CATSPERE: variants seen among roughly 807,000 people sequenced by gnomAD.
CATSPERE encodes the protein cation channel sperm-associated auxiliary subunit epsilon.
CATSPERE carries 93 observed loss-of-function variants against 114.1 expected under a neutral mutation model. The ratio of observed to expected loss-of-function variants is 0.81; its 90% CI spans 0.69 to 0.97. The LOEUF (loss-of-function observed/expected upper bound fraction) is 0.97, where lower values mean the gene tolerates loss of function less well. Among genes scored for constraint, CATSPERE ranks in the 50% least tolerant of loss-of-function variants. The pLI, the probability that CATSPERE is intolerant of heterozygous loss-of-function variation, is 0.00. For missense variants in CATSPERE, 1,058 were observed against 1,131.6 expected (o/e 0.93, Z 0.93); for synonymous variants, 341 against 384.1 (o/e 0.89, Z 1.31).
chr1:244,578,679 G>A (rs943060192), intron 11 of CATSPERE, among the ~76,000 whole-genome samples: 11 of 145,160 alleles, frequency 7.6e-5, no homozygotes, highest in African/African-American at 2.8e-4. Flanking sequence ...CTCTCTCTCT[G>A]TCTCTCTCTC....
At chr1:244,621,181 T>TA (rs1672214494) in intron 20 of CATSPERE, among the ~76,000 whole-genome samples, 1 of 44,752 alleles carries the variant, frequency 2.2e-5, no homozygotes, top group Non-Finnish European at 3.7e-5. Context: ...ATAGATATAT[T>TA]TATATAGATA....
Position 244,633,628 on chromosome 1 carries a change from GCACA to G in CATSPERE, c.2649-1849_2649-1846del, listed in dbSNP as rs149777341. Reference sequence around the variant, plus strand: ...CATGTGCAGGCATGAGCACACGCATGCACACACACACACACGCACACAAAACCCC... The same window carrying G: ...CATGTGCAGGCATGAGCACACGCATGCACACACACACGCACACAAAACCCC... On this transcript the variant is annotated intron_variant, in intron 20 of 21. Transcript: ENST00000366534. This position sits in a 1 kb window ranked among gnomAD's most constrained non-coding sequence, Gnocchi z 4.1. Among the ~76,000 whole-genome samples the G allele has an allele frequency of 2.0e-5, 3 of 150,386 alleles. No homozygotes were observed. The highest frequency in any genetic ancestry group is 4.9e-5 in the African/African-American group (2 of 41,076).
chr1:244,490,432 T>C lies in CATSPERE; in HGVS notation c.327-15T>C, dbSNP rs761303009. On this transcript the variant is annotated splice_polypyrimidine_tract_variant and intron_variant, in intron 5 of 21. Coordinates refer to ENST00000366534, the MANE Select transcript of CATSPERE (RefSeq NM_001130957.2). ...AGGCTGTTTACTAAAATATGTTTCCTCTTTTTCCAAGCAGACATTTCTTTA... is the reference window on the plus strand; with the variant it reads ...AGGCTGTTTACTAAAATATGTTTCCCCTTTTTCCAAGCAGACATTTCTTTA... The C allele has an allele frequency of 2.0e-6, 3 of 1,535,908 alleles. No homozygotes were observed. The highest frequency in any genetic ancestry group is 1.4e-5 in the African/African-American group (1 of 72,802).
upstream of CATSPERE, chr1:244,457,500 AAAG>A (rs1466245179): frequency 6.6e-6 from 1 of 152,204 alleles, no homozygotes; most frequent in Non-Finnish European, 1.5e-5. Context: ...CAGGGGAAAA[AAAG>A]GAGGAGAGAG....
chr1:244,584,050 A>G (rs759882214), intron 13 of CATSPERE, 111 bp downstream of exon 13: 2 of 729,780 alleles, frequency 2.7e-6, no homozygotes, highest in Non-Finnish European at 4.7e-6. Context: ...ATACCTCCAT[A>G]CAATACCTCC....
chr1:244,502,715 G>C (rs1413226377), intron 7 of CATSPERE, among the ~76,000 whole-genome samples: 3 of 152,188 alleles, frequency 2.0e-5, no homozygotes, highest in African/African-American at 7.2e-5. Flanking sequence ...GGAAATAAGA[G>C]TGGAGGACCA....
rs1670938281 is a variant in CATSPERE at position 244,485,917 on chromosome 1, A to G, written c.327-4530A>G. Among the ~76,000 whole-genome samples the G allele has an allele frequency of 3.3e-5, 5 of 151,796 alleles. No homozygotes were observed. In the South Asian group the frequency reaches 1.0e-3, roughly 32 times the overall value. On this transcript the variant is annotated intron_variant, in intron 5 of 21. Coordinates refer to ENST00000366534, the MANE Select transcript of CATSPERE (RefSeq NM_001130957.2). ...CACTTTGTTGCCCAAGGTAGTCTCA[A>G]GCTGTTGGCCTCAAGCAATCCTCCT...
rs561263941 is a variant in CATSPERE at position 244,572,182 on chromosome 1, T to C, written c.1508-148T>C. ...AGTTCCCCAATATAGTGTAAAGTTA[T>C]GGGTTCATATCTGCACATTCTAACT... On this transcript the variant is annotated intron_variant, in intron 10 of 21. Transcript: ENST00000366534. The C allele has an allele frequency of 2.5e-5, 15 of 606,892 alleles. No individual in the cohort carries two copies. In the South Asian group the frequency reaches 3.0e-4, roughly 12 times the overall value. 37.6% of individuals were successfully genotyped at this position (606,892 alleles called of 1,614,324 possible).
chr1:244,583,930 A>G lies in CATSPERE; in HGVS notation c.2076A>G (p.Ile692Met). 2 of 1,614,104 alleles carry G rather than the reference A, an allele frequency of 1.2e-6. No individual in the cohort carries two copies. Among genetic ancestry groups the G allele is most frequent in the Non-Finnish European group, 1.7e-6 (2 of 1,179,964 alleles). ...GTGAATATTCAAAAGCATGTCCAAT[A>G]GCCCAAAAGGTAAGCGACATGGGCT... ...RPSEYSKACP[I>M]AQKVFQIAVG... The change falls in exon 13 of 22, where the codon ATA (isoleucine) becomes ATG (methionine). Residue 692 changes from isoleucine to methionine, a missense_variant. By Grantham distance (10) the Ile-to-Met change is conservative. Coordinates refer to ENST00000366534, the MANE Select transcript of CATSPERE (RefSeq NM_001130957.2).
chr1:244,490,468 C>A lies in CATSPERE; in HGVS notation c.348C>A (p.Thr116=). 3 of 1,523,190 alleles carry A rather than the reference C, an allele frequency of 2.0e-6. No individual in the cohort carries two copies. Among genetic ancestry groups the A allele is most frequent in the African/African-American group, 1.4e-5 (1 of 72,656 alleles). The allele number at this position is 1,523,190 out of a possible 1,614,324, so 94.4% of individuals were successfully genotyped here. Residue 116 remains threonine, a synonymous_variant, in exon 6 of 22, where the codon ACC becomes ACA. Coordinates refer to ENST00000366534, the MANE Select transcript of CATSPERE (RefSeq NM_001130957.2). ...YRVRHFFNNF[T]QLITVWAYDP... ...GCAGACATTTCTTTAACAACTTTACCCAGGTAAAATATTTTTTAAATTTTG... is the reference window on the plus strand; with the variant it reads ...GCAGACATTTCTTTAACAACTTTACACAGGTAAAATATTTTTTAAATTTTG...
intron 8 of CATSPERE, among the ~76,000 whole-genome samples, chr1:244,536,659 C>G (rs1013383888): frequency 6.6e-6 from 1 of 152,130 alleles, no homozygotes; most frequent in African/African-American, 2.4e-5. Context: ...GTTGGCAACT[C>G]AAGACTGTCT....
chr1:244,460,816 A>G (rs1168792719), upstream of CATSPERE, among the ~76,000 whole-genome samples: 1 of 152,252 alleles, frequency 6.6e-6, no homozygotes, highest in East Asian at 1.9e-4. Flanking sequence ...CTGGAGGCTG[A>G]AGCAGGAGAA....
chr1:244,582,199 T>C (rs1452929003), intron 12 of CATSPERE, among the ~76,000 whole-genome samples: 1 of 152,164 alleles, frequency 6.6e-6, no homozygotes, highest in African/African-American at 2.4e-5. Flanking sequence ...AGAACTCTGA[T>C]ATCACAGAAA....
At chr1:244,612,714 T>G (rs1166304122) in intron 19 of CATSPERE, among the ~76,000 whole-genome samples, 1 of 152,122 alleles carries the variant, frequency 6.6e-6, no homozygotes, top group Non-Finnish European at 1.5e-5. Context: ...CAGGCTGGAG[T>G]GCAGTGGTGC....
At chr1:244,621,315 AATATATATATAT>A (rs201672348) in intron 20 of CATSPERE, among the ~76,000 whole-genome samples, 12,258 of 26,130 alleles carry the variant, frequency 0.47, 5,635 homozygotes, top group Non-Finnish European at 0.52. Flanking sequence ...AAATATATAA[AATATATATATAT>A]ATATATATAT....
intron 8 of CATSPERE, among the ~76,000 whole-genome samples, chr1:244,532,817 G>A (rs560879767): frequency 3.3e-5 from 5 of 152,234 alleles, no homozygotes; most frequent in Admixed American, 6.5e-5. Flanking sequence ...TTCAGGAGAA[G>A]AATGTGCACT....
intron 9 of CATSPERE, among the ~76,000 whole-genome samples, chr1:244,553,747 A>G (rs2148505820): frequency 6.6e-6 from 1 of 152,116 alleles, no homozygotes; most frequent in African/African-American, 2.4e-5. Flanking sequence ...TGTTAGTTAG[A>G]TATAAAACAT....
intron 18 of CATSPERE, among the ~76,000 whole-genome samples, chr1:244,609,655 A>G (rs749979799): frequency 6.6e-6 from 1 of 152,234 alleles, no homozygotes; most frequent in Non-Finnish European, 1.5e-5. Flanking sequence ...TAATAAAAAC[A>G]AATAAAAGGT....
chr1:244,588,679 C>G (rs1667341669), intron 14 of CATSPERE, 145 bp downstream of exon 14: 1 of 666,212 alleles, frequency 1.5e-6, no homozygotes, highest in East Asian at 2.7e-5. Context: ...TGCCTAGATT[C>G]AATTGGTTTA....
Sources: allele counts gnomAD v4.1 joint callset (sites outside exome capture counted in the v4.1 genomes callset), GRCh38; gene constraint gnomAD v4.1.1; non-coding constraint Gnocchi (gnomAD v3.1); transcripts MANE v1.5; gene names NCBI Gene and HGNC (gene_info 2026-07-23, HGNC 2026-07-21).